The following SLC39A3 variants were observed in gnomAD, a reference collection of about 807,000 sequenced individuals.
The protein encoded by SLC39A3 is solute carrier family 39 member 3.
A neutral mutation model predicts 5.1 loss-of-function variants in SLC39A3; 3 were observed. The ratio of observed to expected loss-of-function variants is 0.59; its 90% CI spans 0.27 to 1.54. SLC39A3 has a LOEUF of 1.54. Among genes scored for constraint, SLC39A3 ranks in the 40% most tolerant of loss-of-function variants. The pLI is 0.12. For synonymous variants in SLC39A3, 250 were observed against 218.8 expected (o/e 1.14, Z -1.26); for missense variants, 412 against 436.4 (o/e 0.94, Z 0.50).
At chr19:2,736,280 G>T in intron 2 of SLC39A3, 1 of 791,072 alleles carries the variant, frequency 1.3e-6, no homozygotes, top group Non-Finnish European at 1.5e-6. Context: ...ACTTGAACTT[G>T]CTTCTAACCA....
At position 2,737,043 on chromosome 19, in the gene SLC39A3, C is replaced by T; in HGVS notation, c.210+5G>A. The T allele has an allele frequency of 6.2e-7, 1 of 1,614,112 alleles. No homozygotes were observed. The highest frequency in any genetic ancestry group is 1.1e-5 in the South Asian group (1 of 91,072). On this transcript the variant is annotated splice_donor_5th_base_variant and intron_variant, in intron 2 of 2. Coordinates refer to ENST00000269740, the MANE Select transcript of SLC39A3 (RefSeq NM_144564.5). ...GGCTGCTGCTAGTGCCCAGGGAGCC[C>T]TTACCTTTTCCCTCACAGCGGGCAG...
At chr19:2,738,241 C>T (rs1041259957) in intron 1 of SLC39A3, among the ~76,000 whole-genome samples, 6 of 151,328 alleles carry the variant, frequency 4.0e-5, no homozygotes, top group South Asian at 2.1e-4. Context: ...TACAAAATTC[C>T]GCTCCTCAGT....
In SLC39A3 at chr19:2,737,346, CA is replaced by C; in HGVS notation, c.-90del. ...CCCACGATGTGCTACCGAGCCCAAC[CA>C]CACAGTTGGAGGCTCATGTCTCAGT... On this transcript the variant is annotated 5_prime_UTR_variant, in exon 2 of 3. The change abolishes the stop of an existing upstream ORF in the 5' untranslated region. Transcript: ENST00000269740. The C allele has an allele frequency of 6.7e-7, 1 of 1,502,734 alleles. No homozygotes were observed. The highest frequency in any genetic ancestry group is 8.9e-7 in the Non-Finnish European group (1 of 1,119,906). The allele number at this position is 1,502,734 out of a possible 1,614,324, so 93.1% of individuals were successfully genotyped here.
At position 2,735,977 on chromosome 19, in the gene SLC39A3, A is replaced by G; in HGVS notation, c.210+1071T>C. Reference sequence around the variant, plus strand: ...TTGGGAGGAAGAACAGGGGGTCCTCATATCTCCACCAAGTATGTAACCAAC... The same window carrying G: ...TTGGGAGGAAGAACAGGGGGTCCTCGTATCTCCACCAAGTATGTAACCAAC... On this transcript the variant is annotated intron_variant, in intron 2 of 2. Coordinates refer to ENST00000269740, the MANE Select transcript of SLC39A3 (RefSeq NM_144564.5). This position sits in a 1 kb window ranked among gnomAD's most constrained non-coding sequence, Gnocchi z 5.7. 5.1e-6 allele frequency: 5 copies of G among 985,464 alleles called. No homozygotes were observed. Among genetic ancestry groups the G allele is most frequent in the Non-Finnish European group, 6.0e-6 (5 of 829,958 alleles). 61.0% of individuals were successfully genotyped at this position (985,464 alleles called of 1,614,324 possible). A position where few individuals can be genotyped will look rare whatever the true frequency, so the allele number is the denominator to read the frequency against.
At chr19:2,736,864 G>C (rs1251108063) in intron 2 of SLC39A3, 184 bp downstream of exon 2, 13 of 1,487,884 alleles carry the variant, frequency 8.7e-6, no homozygotes, top group Non-Finnish European at 1.2e-5. Context: ...CCCCTTGTTT[G>C]GCCGGTAGAG....
chr19:2,732,728 G>A lies in SLC39A3; in HGVS notation c.*23C>T, dbSNP rs766911522. 62 of 1,516,788 alleles carry A rather than the reference G, an allele frequency of 4.1e-5. No homozygotes were observed. Among genetic ancestry groups the A allele is most frequent in the South Asian group, 1.4e-4 (11 of 75,870 alleles). 94.0% of individuals were successfully genotyped at this position (1,516,788 alleles called of 1,614,324 possible). A position where few individuals can be genotyped will look rare whatever the true frequency, so the allele number is the denominator to read the frequency against. Reference sequence around the variant, plus strand: ...CCCGGGGCTCCCGGCGGGCTCCGGCGGCAGGGACAATGGCGAGGCCGCTCA... The same window carrying A: ...CCCGGGGCTCCCGGCGGGCTCCGGCAGCAGGGACAATGGCGAGGCCGCTCA... On this transcript the variant is annotated 3_prime_UTR_variant, in exon 3 of 3. Transcript: ENST00000269740.
intron 2 of SLC39A3, chr19:2,736,139 G>T: frequency 1.0e-6 from 1 of 985,590 alleles, no homozygotes; most frequent in Non-Finnish European, 1.2e-6. Context: ...ATATGGGGGA[G>T]CTCAAGGAAC....
rs542327606 is a variant in SLC39A3 at position 2,734,043 on chromosome 19, C to T, written c.211-558G>A. On this transcript the variant is annotated intron_variant, in intron 2 of 2. Coordinates refer to ENST00000269740, the MANE Select transcript of SLC39A3 (RefSeq NM_144564.5). The surrounding 1 kb of genome is among the most constrained non-coding windows in gnomAD (Gnocchi z 4.6). ...GCCTGGGCCCGACTCTCCTCCTGGT[C>T]AGGGCTCTCCTAGCGAGGGGAGACT... Among the ~76,000 whole-genome samples, 37 of 152,342 alleles carry T rather than the reference C, an allele frequency of 2.4e-4. No homozygotes were observed. The highest frequency in any genetic ancestry group is 8.9e-4 in the African/African-American group (37 of 41,576).
chr19:2,733,081 G>A lies in SLC39A3; in HGVS notation c.615C>T (p.Ala205=), dbSNP rs775316207. 17 of 1,610,268 alleles carry A rather than the reference G, an allele frequency of 1.1e-5. No homozygotes were observed. Among genetic ancestry groups the A allele is most frequent in the Admixed American group, 1.0e-4 (6 of 59,842 alleles). The change falls in exon 3 of 3, where the codon GCC becomes GCT. Residue 205 remains alanine, a synonymous_variant. Transcript: ENST00000269740. This position sits in a 1 kb window ranked among gnomAD's most constrained non-coding sequence, Gnocchi z 6.1. ...EKVVSLFVGV[A]VHETLVAVAL... ...CCACGGCCACCAGTGTCTCGTGGAC[G>A]GCCACCCCCACGAACAGGCTCACCA...
chr19:2,735,139 T>C lies in SLC39A3; in HGVS notation c.211-1654A>G. 1 of 984,640 alleles carries C rather than the reference T, an allele frequency of 1.0e-6. No individual in the cohort carries two copies. The allele number at this position is 984,640 out of a possible 1,614,324, so 61.0% of individuals were successfully genotyped here. A position where few individuals can be genotyped will look rare whatever the true frequency, so the allele number is the denominator to read the frequency against. ...GCCTGCAGTCAGAGGGTGACGGGGG[T>C]GACACCATGACCATGGGGGAAAAGG... On this transcript the variant is annotated intron_variant, in intron 2 of 2. Transcript: ENST00000269740. This position sits in a 1 kb window ranked among gnomAD's most constrained non-coding sequence, Gnocchi z 5.7.
Position 2,733,510 on chromosome 19 carries a change from G to A in SLC39A3, c.211-25C>T. 1 of 1,590,870 alleles carries A rather than the reference G, an allele frequency of 6.3e-7. No individual in the cohort carries two copies. Among genetic ancestry groups the A allele is most frequent in the Non-Finnish European group, 8.6e-7 (1 of 1,168,040 alleles). The stretch of plus-strand genomic sequence containing the variant: ...GCTGCAGCCGGGGACACCCGAGAGA[G>A]AGAGAGAGACCCACGCTCAGGGGTG... On this transcript the variant is annotated intron_variant, in intron 2 of 2. Transcript: ENST00000269740. The surrounding 1 kb of genome is among the most constrained non-coding windows in gnomAD (Gnocchi z 6.1).
In SLC39A3 at chr19:2,733,464, C is replaced by A. The variant is rs762866145; in HGVS notation, c.232G>T (p.Gly78Cys). The A allele has an allele frequency of 6.2e-7, 1 of 1,612,122 alleles. No homozygotes were observed. Among genetic ancestry groups the A allele is most frequent in the South Asian group, 1.1e-5 (1 of 91,028 alleles). The change falls in exon 3 of 3, where the codon GGC (glycine) becomes TGC (cysteine). Residue 78 changes from glycine to cysteine, a missense_variant. Gly to Cys is a radical substitution (Grantham distance 159). Transcript: ENST00000269740. The surrounding 1 kb of genome is among the most constrained non-coding windows in gnomAD (Gnocchi z 6.1). The part of the protein sequence containing the change: ...REKLQKVLSL[G>C]HISTDYPLAE... Reference sequence around the variant, plus strand: ...AGCGGGTAGTCGGTGCTGATGTGGCCGAGGCTCAGGACCTTCTGGAGCTGC... The same window carrying A: ...AGCGGGTAGTCGGTGCTGATGTGGCAGAGGCTCAGGACCTTCTGGAGCTGC...
At position 2,738,813 on chromosome 19, in the gene SLC39A3, T is replaced by C. The variant is rs188630851; in HGVS notation, c.-123+1132A>G. Among the ~76,000 whole-genome samples the C allele has an allele frequency of 2.0e-3, 302 of 152,132 alleles. 2 individuals carry two copies. Among genetic ancestry groups the C allele is most frequent in the African/African-American group, 6.9e-3 (288 of 41,500 alleles). On this transcript the variant is annotated intron_variant, in intron 1 of 2. Coordinates refer to ENST00000269740, the MANE Select transcript of SLC39A3 (RefSeq NM_144564.5). ...TTAGCTGGGTGTGGTAGTGGGCACC[T>C]GTAATCCCAGCTACTTGGGAGGCTG...
chr19:2,732,768 C>A lies in SLC39A3; in HGVS notation c.928G>T (p.Val310Phe). ...GAGGCCGCTCACCACTTGAGGAAGACCATCCCGGCCAGGACGGTGTAGCCC... is the reference window on the plus strand; with the variant it reads ...GAGGCCGCTCACCACTTGAGGAAGAACATCCCGGCCAGGACGGTGTAGCCC... ...VLGYTVLAGM[V>F]FLKW Residue 310 changes from valine (V) to phenylalanine (F), a missense_variant, in exon 3 of 3, where the codon GTC (valine) becomes TTC (phenylalanine). Val to Phe is a conservative substitution (Grantham distance 50). Coordinates refer to ENST00000269740, the MANE Select transcript of SLC39A3 (RefSeq NM_144564.5). 6.4e-7 allele frequency: 1 copy of A among 1,568,848 alleles called. No individual in the cohort carries two copies. The highest frequency in any genetic ancestry group is 8.7e-7 in the Non-Finnish European group (1 of 1,155,268).
chr19:2,733,150 G>C lies in SLC39A3; in HGVS notation c.546C>G (p.Val182=). Residue 182 remains valine, a synonymous_variant, in exon 3 of 3, where the codon GTC becomes GTG. Transcript: ENST00000269740. This position sits in a 1 kb window ranked among gnomAD's most constrained non-coding sequence, Gnocchi z 6.1. ...GCAGGCCCAGGGCCAGGCCCTCAAAGACCGAGTGGGCCGACAGCGCGAAGG... is the reference window on the plus strand; with the variant it reads ...GCAGGCCCAGGGCCAGGCCCTCAAACACCGAGTGGGCCGACAGCGCGAAGG... ...SLAFALSAHS[V]FEGLALGLQE... 6.2e-7 allele frequency: 1 copy of C among 1,611,078 alleles called. No homozygotes were observed. Among genetic ancestry groups the C allele is most frequent in the Non-Finnish European group, 8.5e-7 (1 of 1,179,154 alleles).
At position 2,737,217 on chromosome 19, in the gene SLC39A3, C is replaced by G. The variant is rs920358325; in HGVS notation, c.41G>C (p.Gly14Ala). The G allele has an allele frequency of 1.9e-6, 3 of 1,614,060 alleles. No individual in the cohort carries two copies. Among genetic ancestry groups the G allele is most frequent in the Non-Finnish European group, 2.5e-6 (3 of 1,180,000 alleles). The change falls in exon 2 of 3, where the codon GGC becomes GCC. Residue 14 changes from glycine to alanine, a missense_variant. By Grantham distance (60) the Gly-to-Ala change is moderately conservative. Coordinates refer to ENST00000269740, the MANE Select transcript of SLC39A3 (RefSeq NM_144564.5). Reference protein sequence around the residue: ...LLVAKILCMVGVFFFMLLGSL... With the variant: ...LLVAKILCMVAVFFFMLLGSL... Reference sequence around the variant, plus strand: ...GCCGAGCAGCATGAAGAAGAACACGCCCACCATGCACAGGATTTTGGCCAC... The same window carrying G: ...GCCGAGCAGCATGAAGAAGAACACGGCCACCATGCACAGGATTTTGGCCAC...
Position 2,733,269 on chromosome 19 carries a change from C to T in SLC39A3, c.427G>A (p.Gly143Ser), listed in dbSNP as rs1914253750. Residue 143 changes from glycine (G) to serine (S), a missense_variant, in exon 3 of 3, where the codon GGC becomes AGC. Transcript: ENST00000269740. This position sits in a 1 kb window ranked among gnomAD's most constrained non-coding sequence, Gnocchi z 6.1. ...TGGGGCTCCACGTACAGCGCGTGGC[C>T]CCGCGCGCCCCCCATGAAGGGGCTC... Reference protein sequence around the residue: ...YESPFMGGARGHALYVEPHGH... With the variant: ...YESPFMGGARSHALYVEPHGH... The T allele has an allele frequency of 6.2e-7, 1 of 1,612,366 alleles. No homozygotes were observed.
rs192214487 is a variant in SLC39A3 at position 2,735,781 on chromosome 19, G to A, written c.210+1267C>T. The stretch of plus-strand genomic sequence containing the variant: ...GGGGAGGGAAGAGCATGGGGCGTGC[G>A]GAGCAGGGGCTGGAAGCTCAGGGAG... On this transcript the variant is annotated intron_variant, in intron 2 of 2. Transcript: ENST00000269740. The surrounding 1 kb of genome is among the most constrained non-coding windows in gnomAD (Gnocchi z 5.7). 63 of 954,968 alleles carry A rather than the reference G, an allele frequency of 6.6e-5. No individual in the cohort carries two copies. The East Asian group carries it at 4.6e-3, about 70-fold the overall frequency. The allele number at this position is 954,968 out of a possible 1,614,324, so 59.2% of individuals were successfully genotyped here.
rs1914402352 is a variant in SLC39A3, at chr19:2,737,289, G to A, written c.-32C>T. The stretch of plus-strand genomic sequence containing the variant: ...GGCTTGGGCTGCTCTGGTCACTGCA[G>A]GGCCAAACCATCTGTGGGCGCACAC... On this transcript the variant is annotated 5_prime_UTR_variant, in exon 2 of 3. Transcript: ENST00000269740. 1 of 1,572,554 alleles carries A rather than the reference G, an allele frequency of 6.4e-7. No individual in the cohort carries two copies. Among genetic ancestry groups the A allele is most frequent in the Non-Finnish European group, 8.6e-7 (1 of 1,156,952 alleles).
Sources: gnomAD v4.1 joint callset for allele counts (sites outside exome capture counted in the v4.1 genomes callset) on GRCh38, gnomAD v4.1.1 for gene constraint, Gnocchi (gnomAD v3.1) non-coding constraint, MANE v1.5 for transcripts, NCBI Gene and HGNC (gene_info 2026-07-23, HGNC 2026-07-21) for gene names.